The following DNAH6 variants were observed in gnomAD, a reference collection of about 807,000 sequenced individuals.
DNAH6 encodes axonemal beta dynein heavy chain 6.
In DNAH6, 340 loss-of-function variants were observed where a neutral mutation model predicts 491.4. The ratio of observed to expected loss-of-function variants is 0.69; its 90% CI spans 0.63 to 0.76. The LOEUF is 0.76. DNAH6 is among the 30% of genes least tolerant of loss of function. The pLI is 0.00. For missense variants in DNAH6, 4,443 were observed against 4,972.2 expected, an observed-to-expected ratio of 0.89 and a Z score of 3.20; for synonymous variants, 1,603 against 1,686.1, an observed-to-expected ratio of 0.95 and a Z score of 1.21.
At chr2:84,722,088 C>T (rs7596088) in intron 59 of DNAH6, among the ~76,000 whole-genome samples, 6 of 152,216 alleles carry the variant, frequency 3.9e-5, no homozygotes, top group East Asian at 3.8e-4. Context: ...TAATCCTCCA[C>T]AAACAACAGC....
chr2:84,659,864 T>C (rs1691326509), intron 37 of DNAH6, among the ~76,000 whole-genome samples: 2 of 152,100 alleles, frequency 1.3e-5, no homozygotes. Context: ...CACCTGTAGT[T>C]CTAGCTACGT....
At chr2:84,550,554 A>T (rs1679236045) in intron 9 of DNAH6, among the ~76,000 whole-genome samples, 1 of 152,162 alleles carries the variant, frequency 6.6e-6, no homozygotes, top group South Asian at 2.1e-4. Context: ...CAGACTGAAA[A>T]TCAGCATATC....
intron 32 of DNAH6, 119 bp downstream of exon 32, chr2:84,640,697 T>A: frequency 1.0e-6 from 1 of 987,658 alleles, no homozygotes; most frequent in Admixed American, 2.9e-5. Context: ...CTGCTGCTGT[T>A]GTCATCATTC....
At chr2:84,577,441 C>T (rs1242632182) in intron 13 of DNAH6, 33 bp downstream of exon 13, 3 of 1,450,310 alleles carry the variant, frequency 2.1e-6, no homozygotes, top group Non-Finnish European at 2.8e-6. Context: ...AATAATTATT[C>T]CTCTACAATT....
chr2:84,470,801 G>A, the DNAH6 span, among the ~76,000 whole-genome samples: 2 of 152,144 alleles, frequency 1.3e-5, no homozygotes, highest in Non-Finnish European at 2.9e-5. Flanking sequence ...TGGGGGCGAC[G>A]AAGTCCGGTG....
rs4832089 is a variant in DNAH6 at position 84,528,925 on chromosome 2, G to A, written c.421G>A (p.Val141Met). 0.95 allele frequency: 1,466,397 copies of A among 1,549,342 alleles called. 694,396 individuals are homozygous for A. Among genetic ancestry groups the A allele is most frequent in the East Asian group, 1 (40,800 of 40,848 alleles). ...TTAGATTCATCGGCCCTATGTTGAGGTGTTCTCTCCCTCTCCTCCTAAACT... is the reference window on the plus strand; with the variant it reads ...TTAGATTCATCGGCCCTATGTTGAGATGTTCTCTCCCTCTCCTCCTAAACT... ...KMQIHRPYVE[V>M]FSPSPPKLPH... The change falls in exon 4 of 77, where the codon GTG (valine) becomes ATG (methionine). Residue 141 changes from valine to methionine, a missense_variant. Val to Met is a conservative substitution (Grantham distance 21, BLOSUM62 1). Around this residue, in one of 3 missense-constraint regions of DNAH6, gnomAD observed 2,977 missense variants for 3,296.6 expected, o/e 0.90. Coordinates refer to ENST00000389394, the MANE Select transcript of DNAH6 (RefSeq NM_001370.2).
intron 49 of DNAH6, among the ~76,000 whole-genome samples, chr2:84,702,614 C>A (rs1477859237): frequency 6.7e-6 from 1 of 149,778 alleles, no homozygotes. Flanking sequence ...ATAATCTCGG[C>A]TCACTGCAAC....
chr2:84,654,758 T>A lies in DNAH6; in HGVS notation c.5733T>A (p.Thr1911=). 3 of 1,551,100 alleles carry A rather than the reference T, an allele frequency of 1.9e-6. No homozygotes were observed. Among genetic ancestry groups the A allele is most frequent in the Non-Finnish European group, 2.6e-6 (3 of 1,146,308 alleles). Residue 1911 remains threonine, a synonymous_variant, in exon 35 of 77, where the codon ACT becomes ACA. Transcript: ENST00000389394. ...TGAAATGGATGCCTTATGTTAAAAC[T>A]TGGATGAAGGGTATTTCTAAAAAAG... is the stretch of plus-strand genomic sequence containing the variant. ...EELKWMPYVK[T]WMKGISKKLT... is the part of the protein sequence containing the mutation.
intron 75 of DNAH6, among the ~76,000 whole-genome samples, chr2:84,814,431 G>C (rs187421604): frequency 8.0e-4 from 122 of 152,308 alleles, no homozygotes; most frequent in African/African-American, 2.8e-3. Flanking sequence ...TTAAAAACGA[G>C]AGAAGCCTGA....
rs187788536 is a variant in DNAH6, at chr2:84,708,240, G to T, written c.9048+524G>T. On this transcript the variant is annotated intron_variant, in intron 54 of 76. Transcript: ENST00000389394. ...ATCACCTGAGGTCAGGAGTTCAAGAGCAGCCTGGCCAACACTGTGAAACCT... is the reference window on the plus strand; with the variant it reads ...ATCACCTGAGGTCAGGAGTTCAAGATCAGCCTGGCCAACACTGTGAAACCT... 2.0e-3 allele frequency among the ~76,000 whole-genome samples: 307 copies of T among 151,594 alleles called. 1 individual carries two copies. Among genetic ancestry groups the T allele is most frequent in the Non-Finnish European group, 3.6e-3 (247 of 67,834 alleles).
intron 4 of DNAH6, among the ~76,000 whole-genome samples, chr2:84,529,478 C>T (rs983631050): frequency 6.6e-6 from 1 of 152,030 alleles, no homozygotes; most frequent in African/African-American, 2.4e-5. Flanking sequence ...AAGAGGATGG[C>T]AACATATAAA....
intron 54 of DNAH6, 130 bp from the exon 55 acceptor site, chr2:84,709,213 G>C: frequency 1.1e-6 from 1 of 889,984 alleles, no homozygotes; most frequent in South Asian, 1.6e-5. Context: ...TCTGATGCAA[G>C]CACATCTGTG....
intron 62 of DNAH6, 89 bp from the exon 63 acceptor site, chr2:84,744,991 A>G: frequency 1.1e-6 from 1 of 884,252 alleles, no homozygotes. Flanking sequence ...GATAGTAAAT[A>G]TAGAGATATT....
rs1178339967 is a variant in DNAH6 at position 84,653,761 on chromosome 2, G to A, written c.5521G>A (p.Val1841Ile). Residue 1841 changes from valine (V) to isoleucine (I), a missense_variant, in exon 34 of 77, where the codon GTA becomes ATA. Physicochemically the swap from Val to Ile is conservative, Grantham distance 29. This residue lies in a region of DNAH6 where 2,977 missense variants were observed against 3,296.6 expected (regional missense o/e 0.90). Coordinates refer to ENST00000389394, the MANE Select transcript of DNAH6 (RefSeq NM_001370.2). Reference protein sequence around the residue: ...DHKWIISDGPVDALWIENMNT... With the variant: ...DHKWIISDGPIDALWIENMNT... ...TAAATGGATCATCAGTGATGGGCCAGTAGATGCTCTTTGGATTGAAAACAT... is the reference window on the plus strand; with the variant it reads ...TAAATGGATCATCAGTGATGGGCCAATAGATGCTCTTTGGATTGAAAACAT... 1 of 1,551,250 alleles carries A rather than the reference G, an allele frequency of 6.4e-7. No homozygotes were observed. Among genetic ancestry groups the A allele is most frequent in the African/African-American group, 1.4e-5 (1 of 73,010 alleles).
chr2:84,612,186 A>G (rs896872043), intron 22 of DNAH6, among the ~76,000 whole-genome samples: 11 of 152,142 alleles, frequency 7.2e-5, no homozygotes, highest in African/African-American at 2.7e-4. Context: ...TTTGACAACG[A>G]GACAAATATT....
chr2:84,603,600 T>C (rs1685472367), intron 18 of DNAH6, among the ~76,000 whole-genome samples: 1 of 152,154 alleles, frequency 6.6e-6, no homozygotes, highest in African/African-American at 2.4e-5. Context: ...ACTGTAACTC[T>C]TTTTCTCAGA....
At chr2:84,760,701 TC>T (rs1674491743) in intron 63 of DNAH6, among the ~76,000 whole-genome samples, 1 of 152,182 alleles carries the variant, frequency 6.6e-6, no homozygotes, top group Non-Finnish European at 1.5e-5. Flanking sequence ...ACATTTCCAC[TC>T]TTTGTGGGAA....
At chr2:84,623,611 G>A (rs72922719) in intron 26 of DNAH6, among the ~76,000 whole-genome samples, 29,325 of 152,046 alleles carry the variant, frequency 0.19, 5,496 homozygotes, top group African/African-American at 0.49. Flanking sequence ...CAGAAAAGAG[G>A]AATGACTCCC....
intron 31 of DNAH6, among the ~76,000 whole-genome samples, chr2:84,639,731 AT>A (rs1350136875): frequency 6.6e-6 from 1 of 152,038 alleles, no homozygotes; most frequent in Non-Finnish European, 1.5e-5. Flanking sequence ...GTTAGTAAAT[AT>A]TTTTAATCAC....
Sources: allele counts gnomAD v4.1 joint callset (sites outside exome capture counted in the v4.1 genomes callset), GRCh38; gene constraint gnomAD v4.1.1; regional missense constraint gnomAD v4.1.1; transcripts MANE v1.5; gene names NCBI Gene and HGNC (gene_info 2026-07-23, HGNC 2026-07-21).